The following BANK1 variants were observed in gnomAD, a reference collection of about 807,000 sequenced individuals.
BANK1 encodes the protein B cell scaffold protein with ankyrin repeats 1.
BANK1 carries 95 observed loss-of-function variants against 94.5 expected under a neutral mutation model. The observed-to-expected ratio is 1.00, with a 90% CI of 0.85 to 1.19. BANK1 has a LOEUF of 1.19. Among genes scored for constraint, BANK1 ranks in the 50% most tolerant of loss-of-function variants. The pLI is 0.00. For synonymous variants in BANK1, 334 were observed against 308.4 expected (o/e 1.08, Z -0.87); for missense variants, 987 against 932.2 (o/e 1.06, Z -0.77).
chr4:101,901,942 A>C (rs543442603), intron 6 of BANK1, among the ~76,000 whole-genome samples: 11 of 152,122 alleles, frequency 7.2e-5, no homozygotes, highest in African/African-American at 2.4e-4. Context: ...TTGTATTTTT[A>C]GTAGAGACAG....
intron 7 of BANK1, among the ~76,000 whole-genome samples, chr4:101,943,602 GC>G (rs1426574447): frequency 1.3e-5 from 2 of 151,766 alleles, no homozygotes; most frequent in Non-Finnish European, 2.9e-5. Context: ...AGAAATATGA[GC>G]TCAATTTAGG....
At chr4:101,793,845 TATTA>T (rs1267064309) in intron 1 of BANK1, among the ~76,000 whole-genome samples, 1 of 152,200 alleles carries the variant, frequency 6.6e-6, no homozygotes, top group African/African-American at 2.4e-5. Context: ...CTAGTTGTTA[TATTA>T]ATTCTTAGGT....
At chr4:101,917,120 A>G (rs1234786612) in intron 6 of BANK1, among the ~76,000 whole-genome samples, 1 of 151,998 alleles carries the variant, frequency 6.6e-6, no homozygotes, top group East Asian at 1.9e-4. Flanking sequence ...GCTGTTTTCC[A>G]TTGCTTTAAA....
chr4:102,030,381 T>A, intron 10 of BANK1, 116 bp downstream of exon 10: 1 of 1,075,220 alleles, frequency 9.3e-7, no homozygotes, highest in Non-Finnish European at 1.3e-6. Context: ...AGTAAACATT[T>A]TTTTTCAAGT....
chr4:101,792,428 T>A (rs374209237), intron 1 of BANK1, among the ~76,000 whole-genome samples: 102 of 151,092 alleles, frequency 6.8e-4, no homozygotes, highest in African/African-American at 2.4e-3. Flanking sequence ...CTAGCTTTTA[T>A]AAATCCAGTG....
At chr4:101,851,923 T>A (rs1339059157) in intron 2 of BANK1, among the ~76,000 whole-genome samples, 5 of 152,210 alleles carry the variant, frequency 3.3e-5, no homozygotes, top group Non-Finnish European at 5.9e-5. Flanking sequence ...TTTTAACTTA[T>A]TAACATTATC....
At chr4:101,797,579 C>A (rs1004422752) in intron 1 of BANK1, among the ~76,000 whole-genome samples, 4 of 152,074 alleles carry the variant, frequency 2.6e-5, no homozygotes, top group Admixed American at 2.6e-4. Context: ...TACTTACATA[C>A]CTTTTGTGAT....
intron 1 of BANK1, among the ~76,000 whole-genome samples, chr4:101,796,609 A>T (rs1191873784): frequency 6.6e-6 from 1 of 152,202 alleles, no homozygotes; most frequent in Non-Finnish European, 1.5e-5. Context: ...TTCAAACTTA[A>T]ATCCTTAGAG....
At chr4:101,976,350 A>G (rs1232063105) in intron 7 of BANK1, among the ~76,000 whole-genome samples, 1 of 152,170 alleles carries the variant, frequency 6.6e-6, no homozygotes, top group African/African-American at 2.4e-5. Flanking sequence ...GAAGTGGGAA[A>G]GTATTGAACT....
At chr4:101,952,678 A>G (rs1358694879) in intron 7 of BANK1, among the ~76,000 whole-genome samples, 1 of 152,142 alleles carries the variant, frequency 6.6e-6, no homozygotes, top group Non-Finnish European at 1.5e-5. Flanking sequence ...TGTCAAATAA[A>G]TCAATGCCAG....
chr4:102,016,172 C>T (rs1726692775), intron 7 of BANK1, among the ~76,000 whole-genome samples: 1 of 152,192 alleles, frequency 6.6e-6, no homozygotes, highest in Non-Finnish European at 1.5e-5. Context: ...CCCACCCACT[C>T]AGTGGAAATG....
At chr4:101,973,082 C>T (rs1472034266) in intron 7 of BANK1, among the ~76,000 whole-genome samples, 5 of 151,494 alleles carry the variant, frequency 3.3e-5, no homozygotes, top group Admixed American at 6.6e-5. Context: ...TATTACCCAA[C>T]GTGGTAAATA....
chr4:101,830,125 A>C lies in BANK1; in HGVS notation c.388A>C (p.Ile130Leu), dbSNP rs1560591595. The change falls in exon 2 of 17, where the codon ATC becomes CTC. Residue 130 changes from isoleucine (I) to leucine (L), a missense_variant. By Grantham distance (5) the Ile-to-Leu change is conservative. Transcript: ENST00000322953. ...SSDQLYELLN[I>L]SQSRWEISTE... ...AGATCAGCTCTATGAATTACTAAAT[A>C]TCTCTCAAAGCAGATGGGAGATCTC... The C allele has an allele frequency of 6.2e-7, 1 of 1,612,264 alleles. No homozygotes were observed. The highest frequency in any genetic ancestry group is 8.5e-7 in the Non-Finnish European group (1 of 1,179,434).
intron 2 of BANK1, among the ~76,000 whole-genome samples, chr4:101,835,563 G>A (rs1447861033): frequency 6.6e-6 from 1 of 152,076 alleles, no homozygotes; most frequent in Non-Finnish European, 1.5e-5. Flanking sequence ...TTAAAAGAAG[G>A]ACAAAATGAA....
chr4:101,790,780 G>A lies in BANK1; in HGVS notation c.-101G>A, dbSNP rs529386032. The A allele has an allele frequency of 9.5e-4, 1,223 of 1,293,242 alleles. 5 individuals carry two copies. The highest frequency in any genetic ancestry group is 8.4e-3 in the South Asian group (664 of 78,758). 80.1% of individuals were successfully genotyped at this position (1,293,242 alleles called of 1,614,324 possible). ...TGGCAAGCGGGCTGGGGAGAGCCGAGGGCCAAAGGAAGAGAAAATCGCGGG... is the reference window on the plus strand; with the variant it reads ...TGGCAAGCGGGCTGGGGAGAGCCGAAGGCCAAAGGAAGAGAAAATCGCGGG... On this transcript the variant is annotated 5_prime_UTR_variant, in exon 1 of 17. Transcript: ENST00000322953.
intron 7 of BANK1, among the ~76,000 whole-genome samples, chr4:102,005,902 A>T (rs1726245758): frequency 6.6e-6 from 1 of 152,004 alleles, no homozygotes; most frequent in African/African-American, 2.4e-5. Context: ...CATTCTCTCA[A>T]CCACACTGTT....
At chr4:101,905,100 G>C (rs1052870369) in intron 6 of BANK1, among the ~76,000 whole-genome samples, 2 of 152,140 alleles carry the variant, frequency 1.3e-5, no homozygotes, top group Non-Finnish European at 2.9e-5. Context: ...GTGTTCTCCT[G>C]GCTCTGCTTT....
intron 7 of BANK1, among the ~76,000 whole-genome samples, chr4:101,990,134 T>C (rs1725653000): frequency 6.6e-6 from 1 of 152,186 alleles, no homozygotes; most frequent in African/African-American, 2.4e-5. Context: ...TGTTTGACTA[T>C]GACTTTAGAG....
intron 7 of BANK1, among the ~76,000 whole-genome samples, chr4:102,005,219 T>C (rs1726215755): frequency 2.0e-5 from 3 of 152,098 alleles, no homozygotes; most frequent in Admixed American, 1.3e-4. Context: ...AAAAAGAGGC[T>C]TTTGTATAAG....
Sources: gnomAD v4.1 joint callset for allele counts (sites outside exome capture counted in the v4.1 genomes callset) on GRCh38, gnomAD v4.1.1 for gene constraint, MANE v1.5 for transcripts, NCBI Gene and HGNC (gene_info 2026-07-23, HGNC 2026-07-21) for gene names.